Variants in CEP350 observed in about 807,000 individuals in gnomAD.
CEP350 encodes the protein centrosomal protein 350.
CEP350 carries 126 observed loss-of-function variants against 331.8 expected under a neutral mutation model. The observed-to-expected ratio is 0.38, with a 90% CI of 0.33 to 0.44. The LOEUF is 0.44. CEP350 is among the 20% of genes least tolerant of loss of function. The pLI is 1.00. For synonymous variants in CEP350, 1,200 were observed against 1,259.5 expected, an observed-to-expected ratio of 0.95 and a Z score of 1.00; for missense variants, 3,406 against 3,634.6, an observed-to-expected ratio of 0.94 and a Z score of 1.62.
chr1:180,078,899 G>C (rs1659401350), intron 29 of CEP350, among the ~76,000 whole-genome samples: 1 of 152,114 alleles, frequency 6.6e-6, no homozygotes, highest in African/African-American at 2.4e-5. Context: ...TGAATATTGA[G>C]GGAATAGGAA....
chr1:180,070,468 T>C (rs1000586269), intron 27 of CEP350, among the ~76,000 whole-genome samples: 2 of 152,118 alleles, frequency 1.3e-5, no homozygotes, highest in African/African-American at 4.8e-5. Context: ...GTGGAAATAT[T>C]CCAACGGAGA....
chr1:180,036,787 C>G, intron 16 of CEP350, 139 bp from the exon 17 acceptor site: 1 of 819,496 alleles, frequency 1.2e-6, no homozygotes. Flanking sequence ...TGCAGTATCT[C>G]CAAGGTATTC....
chr1:180,089,508 G>A (rs1015543898), intron 32 of CEP350, among the ~76,000 whole-genome samples: 4 of 151,706 alleles, frequency 2.6e-5, no homozygotes, highest in African/African-American at 9.7e-5. Context: ...GCTTGAACCC[G>A]GGAGGTGGAG....
chr1:179,979,423 G>A (rs992149674), intron 1 of CEP350, among the ~76,000 whole-genome samples: 1 of 145,676 alleles, frequency 6.9e-6, no homozygotes, highest in African/African-American at 2.5e-5. Context: ...AGTTGTTTGA[G>A]TTTTGTATGT....
chr1:179,955,200 C>G (rs942588618), intron 1 of CEP350, 58 bp downstream of exon 1: 1 of 1,258,378 alleles, frequency 7.9e-7, no homozygotes, highest in Admixed American at 3.6e-5. Flanking sequence ...TCAACTGTCT[C>G]TGTCCGCGGT....
In CEP350 at chr1:180,095,653, G is replaced by A; in HGVS notation, c.8642G>A (p.Ser2881Asn). ...TGGTTTGATGAAGACTTTGGTTTGA[G>A]CTCTTCTCACAAGATCCAAAAAAAT... ...QDWFDEDFGL[S>N]SSHKIQKNKA... Residue 2881 changes from serine (S) to asparagine (N), a missense_variant, in exon 35 of 38, where the codon AGC (serine) becomes AAC (asparagine). Ser to Asn is a conservative substitution (Grantham distance 46). Around this residue, in one of 5 missense-constraint regions of CEP350, gnomAD observed 1,415 missense variants for 1,512.3 expected, o/e 0.94. Transcript: ENST00000367607. 6.2e-7 allele frequency: 1 copy of A among 1,613,854 alleles called. No individual in the cohort carries two copies. Among genetic ancestry groups the A allele is most frequent in the Non-Finnish European group, 8.5e-7 (1 of 1,179,876 alleles).
intron 33 of CEP350, among the ~76,000 whole-genome samples, chr1:180,091,095 C>G (rs9425860): frequency 0.59 from 88,548 of 150,882 alleles, 27,252 homozygotes; most frequent in East Asian, 0.72. Context: ...GCAGCCTTGA[C>G]CCCCTGGGCT....
chr1:180,046,760 T>G, intron 21 of CEP350, among the ~76,000 whole-genome samples: 1 of 152,210 alleles, frequency 6.6e-6, no homozygotes, highest in Admixed American at 6.5e-5. Flanking sequence ...TATAGCCATC[T>G]TAGGGGGGAC....
In CEP350 at chr1:180,048,526, C is replaced by T. The variant is rs201018049; in HGVS notation, c.4623-10C>T. On this transcript the variant is annotated splice_polypyrimidine_tract_variant and intron_variant, in intron 21 of 37. Transcript: ENST00000367607. The stretch of plus-strand genomic sequence containing the variant: ...TTTTGTTGTTGTTGTTTCCATGTAT[C>T]CATAAAAAGAAGTAGCAGTGGTAGC... The T allele has an allele frequency of 1.9e-6, 3 of 1,570,480 alleles. No homozygotes were observed. The African/African-American group carries it at 4.1e-5, about 21-fold the overall frequency.
chr1:180,038,207 G>A (rs1177320169), intron 17 of CEP350, among the ~76,000 whole-genome samples: 1 of 152,120 alleles, frequency 6.6e-6, no homozygotes, highest in African/African-American at 2.4e-5. Context: ...ATTTATCCAT[G>A]TTGTTTTATC....
intron 37 of CEP350, among the ~76,000 whole-genome samples, chr1:180,103,931 AAT>A (rs1216202639): frequency 1.4e-5 from 2 of 147,662 alleles, no homozygotes; most frequent in Admixed American, 6.8e-5. Context: ...TTTATATACA[AAT>A]ATATGTTTTA....
intron 14 of CEP350, among the ~76,000 whole-genome samples, chr1:180,027,167 A>C (rs950806559): frequency 6.6e-6 from 1 of 152,208 alleles, no homozygotes; most frequent in African/African-American, 2.4e-5. Context: ...TGAAATGTTA[A>C]CATTTTTAGC....
chr1:179,976,937 G>A (rs950938901), intron 1 of CEP350, among the ~76,000 whole-genome samples: 7 of 152,202 alleles, frequency 4.6e-5, no homozygotes, highest in African/African-American at 1.7e-4. Context: ...ATGGGAACTG[G>A]AAAATTGTCA....
In CEP350 at chr1:179,986,264, T is replaced by C. The variant is rs1396102893; in HGVS notation, c.73+10T>C. ...AAGGATACTGTTCAAGGTATGATTT[T>C]GTTTTTTTAAACAGAACTTAATACC... On this transcript the variant is annotated intron_variant, in intron 2 of 37. Transcript: ENST00000367607. 6 of 1,547,600 alleles carry C rather than the reference T, an allele frequency of 3.9e-6. No individual in the cohort carries two copies. The highest frequency in any genetic ancestry group is 5.2e-6 in the Non-Finnish European group (6 of 1,144,796).
intron 4 of CEP350, among the ~76,000 whole-genome samples, chr1:179,991,361 G>A (rs973351394): frequency 7.3e-6 from 1 of 137,510 alleles, no homozygotes; most frequent in Non-Finnish European, 1.5e-5. Flanking sequence ...CTGTCGCCCA[G>A]GCTGAAGTGC....
At chr1:179,966,455 G>T (rs894622646) in intron 1 of CEP350, among the ~76,000 whole-genome samples, 1 of 152,152 alleles carries the variant, frequency 6.6e-6, no homozygotes, top group African/African-American at 2.4e-5. Context: ...AAGCTGGAAG[G>T]TGTAGTACTC....
At position 179,991,693 on chromosome 1, in the gene CEP350, GTGTGTGTGTGTGTGTA is replaced by G. The variant is rs763650365; in HGVS notation, c.236-367_236-352del. On this transcript the variant is annotated intron_variant, in intron 4 of 37. Transcript: ENST00000367607. The stretch of plus-strand genomic sequence containing the variant: ...TGTGTGTGTGTGTGTGTGTGTGTGT[GTGTGTGTGTGTGTGTA>G]TATATATATATATATACATTTTTTT... Among the ~76,000 whole-genome samples the G allele has an allele frequency of 5.2e-3, 670 of 129,040 alleles. 3 individuals are homozygous for G. Among genetic ancestry groups the G allele is most frequent in the Non-Finnish European group, 8.4e-3 (508 of 60,568 alleles). The allele number at this position is 129,040 out of a possible 152,430, so 84.7% of individuals were successfully genotyped here. A position where few individuals can be genotyped will look rare whatever the true frequency, so the allele number is the denominator to read the frequency against.
intron 30 of CEP350, among the ~76,000 whole-genome samples, chr1:180,083,448 A>G (rs1276696813): frequency 6.6e-6 from 1 of 152,202 alleles, no homozygotes; most frequent in Non-Finnish European, 1.5e-5. Context: ...TATTTTAAAT[A>G]TTTTGAGAGC....
At chr1:180,055,248 G>T (rs1271527878) in intron 25 of CEP350, among the ~76,000 whole-genome samples, 3 of 152,168 alleles carry the variant, frequency 2.0e-5, no homozygotes, top group Non-Finnish European at 4.4e-5. Flanking sequence ...CATGGTCAAA[G>T]TTTAAGTAAC....
Sources: allele counts gnomAD v4.1 joint callset (sites outside exome capture counted in the v4.1 genomes callset), GRCh38; gene constraint gnomAD v4.1.1; regional missense constraint gnomAD v4.1.1; transcripts MANE v1.5; gene names NCBI Gene and HGNC (gene_info 2026-07-23, HGNC 2026-07-21).